The following ASIC2 variants were observed in gnomAD, a reference collection of about 807,000 sequenced individuals.
The protein encoded by ASIC2 is acid sensing ion channel subunit 2.
In ASIC2, 25 loss-of-function variants were observed where a neutral mutation model predicts 57.3. The ratio of observed to expected loss-of-function variants is 0.44; its 90% CI spans 0.32 to 0.61. ASIC2 has a LOEUF of 0.61. Among genes scored for constraint, ASIC2 ranks in the 20% least tolerant of loss-of-function variants. The pLI is 0.06. For synonymous variants in ASIC2, 319 were observed against 307.5 expected, an observed-to-expected ratio of 1.04 and a Z score of -0.39; for missense variants, 641 against 738.1, an observed-to-expected ratio of 0.87 and a Z score of 1.52.
intron 1 of ASIC2, among the ~76,000 whole-genome samples, chr17:33,208,182 G>T (rs1242553549): frequency 6.6e-6 from 1 of 152,310 alleles, no homozygotes; most frequent in Non-Finnish European, 1.5e-5. Context: ...TGGGGACTGA[G>T]GTGGGTTTGG....
At chr17:33,353,348 T>G (rs1041874275) in intron 1 of ASIC2, among the ~76,000 whole-genome samples, 10 of 152,260 alleles carry the variant, frequency 6.6e-5, no homozygotes, top group African/African-American at 2.4e-4. Flanking sequence ...CTTTTTTGTT[T>G]GTTTTTGAGA....
chr17:33,363,275 C>T (rs1343864123), intron 1 of ASIC2, among the ~76,000 whole-genome samples: 1 of 152,144 alleles, frequency 6.6e-6, no homozygotes, highest in African/African-American at 2.4e-5. Flanking sequence ...ACAGCCTGCA[C>T]CCAGCCTCTC....
intron 1 of ASIC2, among the ~76,000 whole-genome samples, chr17:33,316,852 ACT>A (rs1255991049): frequency 6.6e-6 from 1 of 152,194 alleles, no homozygotes; most frequent in Non-Finnish European, 1.5e-5. Flanking sequence ...AATAAAATCC[ACT>A]TTGGAGATTT....
At chr17:33,771,165 G>A (rs567409442) in intron 1 of ASIC2, among the ~76,000 whole-genome samples, 2 of 152,298 alleles carry the variant, frequency 1.3e-5, no homozygotes, top group African/African-American at 4.8e-5. Context: ...AATGGCAACA[G>A]CCCCTTAGCT....
chr17:33,909,960 A>T (rs999509263), intron 1 of ASIC2, among the ~76,000 whole-genome samples: 1 of 152,110 alleles, frequency 6.6e-6, no homozygotes. Context: ...ACCCTGAGCA[A>T]GTTATTCAAT....
chr17:33,243,237 A>G (rs1908574773), intron 1 of ASIC2, among the ~76,000 whole-genome samples: 1 of 152,246 alleles, frequency 6.6e-6, no homozygotes, highest in Non-Finnish European at 1.5e-5. Flanking sequence ...AGTACATCAA[A>G]CCCAGATTTC....
intron 1 of ASIC2, among the ~76,000 whole-genome samples, chr17:33,556,381 C>T (rs1279902527): frequency 6.6e-6 from 1 of 152,214 alleles, no homozygotes; most frequent in African/African-American, 2.4e-5. Context: ...TCTCCACTCA[C>T]CTTGGCTTGA....
intron 1 of ASIC2, among the ~76,000 whole-genome samples, chr17:34,114,144 T>C (rs1482102425): frequency 2.0e-5 from 3 of 152,220 alleles, no homozygotes; most frequent in Non-Finnish European, 4.4e-5. Flanking sequence ...CTGAAGCAGA[T>C]GCTCTTAGAT....
chr17:33,809,263 G>A (rs574692542), intron 1 of ASIC2, among the ~76,000 whole-genome samples: 6 of 152,284 alleles, frequency 3.9e-5, no homozygotes, highest in African/African-American at 7.2e-5. Context: ...CTCAACTGGC[G>A]TTCCAGCCCT....
At chr17:33,553,950 C>G (rs1915827888) in intron 1 of ASIC2, among the ~76,000 whole-genome samples, 1 of 152,158 alleles carries the variant, frequency 6.6e-6, no homozygotes, top group African/African-American at 2.4e-5. Flanking sequence ...GAATCTGAGT[C>G]CTTCGTTTTT....
chr17:33,749,419 G>T (rs772276283), intron 1 of ASIC2, among the ~76,000 whole-genome samples: 17 of 152,014 alleles, frequency 1.1e-4, no homozygotes, highest in Non-Finnish European at 2.2e-4. Flanking sequence ...TCCTCGGACC[G>T]TGTGGGAGGG....
chr17:33,168,374 C>G (rs1905384651), intron 1 of ASIC2, among the ~76,000 whole-genome samples: 1 of 152,156 alleles, frequency 6.6e-6, no homozygotes, highest in Non-Finnish European at 1.5e-5. Flanking sequence ...CAGAAAAAGC[C>G]TGTATTGCTA....
chr17:33,515,649 T>C (rs1914543378), intron 1 of ASIC2, among the ~76,000 whole-genome samples: 1 of 152,224 alleles, frequency 6.6e-6, no homozygotes, highest in South Asian at 2.1e-4. Flanking sequence ...CCACGGCTTC[T>C]GCTTCCTTCC....
intron 1 of ASIC2, among the ~76,000 whole-genome samples, chr17:33,392,276 T>C (rs1265640423): frequency 6.6e-6 from 1 of 151,330 alleles, no homozygotes; most frequent in East Asian, 1.9e-4. Flanking sequence ...CTTTCTTTTT[T>C]TTTTGACAGA....
chr17:33,106,618 T>A (rs2141982086), intron 2 of ASIC2, among the ~76,000 whole-genome samples: 1 of 152,312 alleles, frequency 6.6e-6, no homozygotes, highest in African/African-American at 2.4e-5. Flanking sequence ...TGGGAGTGCC[T>A]TCTGCAACCA....
rs142329018 is a variant in ASIC2, at chr17:33,381,129, C to T, written c.556-269062G>A. ...GGCCGGTGGCTGTGCTTGCTTTGTC[C>T]GTAGAGAACAAAGTGAAGAACTCTT... On this transcript the variant is annotated intron_variant, in intron 1 of 9. Coordinates refer to the ASIC2 transcript ENST00000359872. 8.6e-3 allele frequency among the ~76,000 whole-genome samples: 1,316 copies of T among 152,280 alleles called. 11 individuals carry two copies. The highest frequency in any genetic ancestry group is 0.014 in the Non-Finnish European group (970 of 68,028).
At chr17:33,974,472 T>C (rs1430502942) in intron 1 of ASIC2, among the ~76,000 whole-genome samples, 1 of 152,186 alleles carries the variant, frequency 6.6e-6, no homozygotes, top group Non-Finnish European at 1.5e-5. Flanking sequence ...TCTGGCGGCA[T>C]GCAGTCTCAG....
At chr17:34,057,732 GA>G (rs1263298235) in intron 1 of ASIC2, among the ~76,000 whole-genome samples, 2 of 152,112 alleles carry the variant, frequency 1.3e-5, no homozygotes, top group African/African-American at 2.4e-5. Context: ...CTTGGCAATA[GA>G]AACTAAACAG....
chr17:33,015,948 T>C, intron 9 of ASIC2, 23 bp downstream of exon 9: 3 of 1,613,656 alleles, frequency 1.9e-6, no homozygotes, highest in Non-Finnish European at 2.5e-6. Flanking sequence ...CAGAACAACT[T>C]CCAATCAGTG....
Sources: allele counts gnomAD v4.1 joint callset (sites outside exome capture counted in the v4.1 genomes callset), GRCh38; gene constraint gnomAD v4.1.1; transcripts MANE v1.5; gene names NCBI Gene and HGNC (gene_info 2026-07-23, HGNC 2026-07-21).